ARB2A: variants seen among roughly 807,000 people sequenced by gnomAD.
ARB2A encodes the protein cotranscriptional regulator ARB2A.
the ARB2A span, among the ~76,000 whole-genome samples, chr5:93,777,814 G>A: frequency 6.6e-6 from 1 of 152,142 alleles, no homozygotes; most frequent in Non-Finnish European, 1.5e-5. Context: ...GCAGTGAGGA[G>A]AGAATTTCAA....
At chr5:94,040,744 T>C in the ARB2A span, among the ~76,000 whole-genome samples, 1 of 152,108 alleles carries the variant, frequency 6.6e-6, no homozygotes, top group South Asian at 2.1e-4. Flanking sequence ...TTTCTTATCT[T>C]TTCTATTACT....
chr5:93,982,978 C>T, the ARB2A span, among the ~76,000 whole-genome samples: 1 of 152,188 alleles, frequency 6.6e-6, no homozygotes, highest in South Asian at 2.1e-4. Flanking sequence ...ATCGCTTGAA[C>T]TCAGGAGGCA....
chr5:93,905,328 C>T, the ARB2A span, among the ~76,000 whole-genome samples: 1 of 151,526 alleles, frequency 6.6e-6, no homozygotes, highest in Non-Finnish European at 1.5e-5. Flanking sequence ...TTATGATTCC[C>T]AGTCTCTATT....
chr5:93,985,658 CTGG>C, the ARB2A span, among the ~76,000 whole-genome samples: 1 of 152,208 alleles, frequency 6.6e-6, no homozygotes, highest in African/African-American at 2.4e-5. Context: ...CTCCTGACCT[CTGG>C]TGATCTGCCC....
the ARB2A span, among the ~76,000 whole-genome samples, chr5:93,929,101 A>G: frequency 6.6e-6 from 1 of 152,200 alleles, no homozygotes; most frequent in Non-Finnish European, 1.5e-5. Flanking sequence ...TTCCACCATT[A>G]GATACATATC....
the ARB2A span, among the ~76,000 whole-genome samples, chr5:93,697,135 A>G: frequency 6.6e-6 from 1 of 151,386 alleles, no homozygotes; most frequent in South Asian, 2.1e-4. Flanking sequence ...AAAAATGATA[A>G]TCCATCTCCC....
At chr5:93,666,503 CTT>C in the ARB2A span, among the ~76,000 whole-genome samples, 67 of 139,328 alleles carry the variant, frequency 4.8e-4, no homozygotes, top group Non-Finnish European at 4.9e-4. Flanking sequence ...GTGCTATATC[CTT>C]TTTTTTTTTT....
At chr5:94,083,201 G>A in the ARB2A span, among the ~76,000 whole-genome samples, 2 of 152,166 alleles carry the variant, frequency 1.3e-5, no homozygotes, top group Non-Finnish European at 2.9e-5. Context: ...CTTAAACACA[G>A]TATGCCAAAT....
the ARB2A span, among the ~76,000 whole-genome samples, chr5:94,108,100 A>G: frequency 5.9e-5 from 9 of 151,874 alleles, no homozygotes; most frequent in Non-Finnish European, 1.2e-4. Context: ...TTTCTTCATC[A>G]TTTTTTGGCT....
chr5:93,782,705 G>A, the ARB2A span, among the ~76,000 whole-genome samples: 9 of 152,106 alleles, frequency 5.9e-5, no homozygotes, highest in African/African-American at 1.9e-4. Context: ...CAACATGTTT[G>A]CAAGGTAGGT....
the ARB2A span, among the ~76,000 whole-genome samples, chr5:93,842,222 A>G: frequency 1.3e-5 from 2 of 152,230 alleles, no homozygotes; most frequent in African/African-American, 4.8e-5. Context: ...GTAACGGGTT[A>G]GAAAACAGTG....
the ARB2A span, among the ~76,000 whole-genome samples, chr5:93,789,580 T>G: frequency 1.3e-5 from 2 of 152,212 alleles, no homozygotes; most frequent in Non-Finnish European, 2.9e-5. Context: ...AACTAAAATA[T>G]TTTATCACAA....
chr5:93,960,774 A>G, the ARB2A span, among the ~76,000 whole-genome samples: 1 of 152,254 alleles, frequency 6.6e-6, no homozygotes, highest in Non-Finnish European at 1.5e-5. Context: ...ACAATGTTAA[A>G]GAATTAAAAT....
the ARB2A span, among the ~76,000 whole-genome samples, chr5:93,749,120 C>T: frequency 2.0e-5 from 3 of 151,370 alleles, no homozygotes; most frequent in African/African-American, 4.9e-5. Flanking sequence ...TAAACACTTT[C>T]GATTTCATTT....
chr5:94,085,862 C>T, the ARB2A span, among the ~76,000 whole-genome samples: 3 of 151,980 alleles, frequency 2.0e-5, no homozygotes, highest in East Asian at 1.9e-4. Context: ...AAAATACTAG[C>T]GAGGAAACCA....
chr5:93,680,971 T>A, the ARB2A span, among the ~76,000 whole-genome samples: 3 of 152,208 alleles, frequency 2.0e-5, no homozygotes, highest in Non-Finnish European at 4.4e-5. Flanking sequence ...CACAGTGATA[T>A]GTTTATGAAT....
chr5:93,824,093 GA>G, the ARB2A span: 6 of 1,405,882 alleles, frequency 4.3e-6, no homozygotes, highest in Non-Finnish European at 5.6e-6. Context: ...AAAGAAAGGA[GA>G]GGGGATAAAC....
chr5:94,043,079 A>C, the ARB2A span, among the ~76,000 whole-genome samples: 1 of 152,100 alleles, frequency 6.6e-6, no homozygotes, highest in Non-Finnish European at 1.5e-5. Flanking sequence ...TTTATAATCA[A>C]CTATAGAACT....
At chr5:94,035,470 T>C in the ARB2A span, among the ~76,000 whole-genome samples, 6 of 152,160 alleles carry the variant, frequency 3.9e-5, no homozygotes, top group Non-Finnish European at 8.8e-5. Flanking sequence ...TATACCATAT[T>C]GATAAACTTG....
Sources: gnomAD v4.1 joint callset for allele counts (sites outside exome capture counted in the v4.1 genomes callset) on GRCh38, gnomAD v4.1.1 for gene constraint, MANE v1.5 for transcripts, NCBI Gene and HGNC (gene_info 2026-07-23, HGNC 2026-07-21) for gene names.